Variants in ARSJ observed in about 807,000 individuals in gnomAD.
ARSJ encodes the protein arylsulfatase family member J, also known as arylsulfatase J.
In ARSJ, 26 loss-of-function variants were observed where a neutral mutation model predicts 35.9. The ratio of observed to expected loss-of-function variants is 0.72; its 90% CI spans 0.53 to 1.00. ARSJ has a LOEUF of 1.00. Ranked by LOEUF, ARSJ falls within the 50% of genes least tolerant of loss-of-function variation. ARSJ has a pLI of 0.00. For synonymous variants in ARSJ, 294 were observed against 267.6 expected (o/e 1.10, Z -0.96); for missense variants, 667 against 723.6 (o/e 0.92, Z 0.90).
chr4:113,922,562 A>G (rs1308723848), intron 1 of ARSJ, among the ~76,000 whole-genome samples: 1 of 152,156 alleles, frequency 6.6e-6, no homozygotes, highest in Non-Finnish European at 1.5e-5. Context: ...TATTTTCACT[A>G]CCTGGAAAAT....
rs1435747862 is a variant in ARSJ, at chr4:113,902,444, G to A, written c.1630C>T (p.Pro544Ser). The change falls in exon 2 of 2, where the codon CCT becomes TCT. Residue 544 changes from proline to serine, a missense_variant. Transcript: ENST00000315366. ...RYPPKDPRSN[P>S]RLNGGVWGPW... is the part of the protein sequence containing the mutation. ...CCCCAGACCCCTCCATTGAGCCTAG[G>A]GTTACTTCTGGGGTCTTTGGGGGGA... 6.2e-7 allele frequency: 1 copy of A among 1,613,822 alleles called. No homozygotes were observed. The highest frequency in any genetic ancestry group is 1.3e-5 in the African/African-American group (1 of 74,828).
intron 1 of ARSJ, among the ~76,000 whole-genome samples, chr4:113,964,947 G>T (rs934694568): frequency 2.0e-5 from 3 of 151,990 alleles, no homozygotes; most frequent in African/African-American, 7.2e-5. Context: ...AATAATATAT[G>T]TGGAAAAAAA....
At chr4:113,956,255 C>G (rs1360699505) in intron 1 of ARSJ, among the ~76,000 whole-genome samples, 1 of 151,874 alleles carries the variant, frequency 6.6e-6, no homozygotes. Flanking sequence ...GGATTTAAAC[C>G]CATAATAATA....
chr4:113,923,460 TAAGA>T (rs147487093), intron 1 of ARSJ, among the ~76,000 whole-genome samples: 4 of 152,224 alleles, frequency 2.6e-5, no homozygotes, highest in Non-Finnish European at 5.9e-5. Flanking sequence ...AGACAAAAAT[TAAGA>T]AAGAGGAAAA....
chr4:113,974,610 A>G (rs1373374371), intron 1 of ARSJ, among the ~76,000 whole-genome samples: 1 of 152,188 alleles, frequency 6.6e-6, no homozygotes, highest in East Asian at 1.9e-4. Flanking sequence ...GCAAATTTAA[A>G]CCATAATGAT....
intron 1 of ARSJ, among the ~76,000 whole-genome samples, chr4:113,911,134 T>C (rs1262324879): frequency 6.6e-6 from 1 of 152,082 alleles, no homozygotes; most frequent in East Asian, 1.9e-4. Context: ...GACAAAGTGT[T>C]TCAGTGAGAG....
In ARSJ at chr4:113,930,589, C is replaced by A. The variant is rs114969368; in HGVS notation, c.399-26914G>T. On this transcript the variant is annotated intron_variant, in intron 1 of 1. Transcript: ENST00000315366. ...GCTCTTAGTAAATTATTATAGCACCCAGTTTGAAAGTGAACATTTTTTTTA... is the reference window on the plus strand; with the variant it reads ...GCTCTTAGTAAATTATTATAGCACCAAGTTTGAAAGTGAACATTTTTTTTA... Among the ~76,000 whole-genome samples the A allele has an allele frequency of 3.4e-3, 514 of 152,198 alleles. 4 individuals carry two copies. Among genetic ancestry groups the A allele is most frequent in the African/African-American group, 0.012 (497 of 41,526 alleles).
chr4:113,907,763 A>T (rs2099669209), intron 1 of ARSJ, among the ~76,000 whole-genome samples: 1 of 152,224 alleles, frequency 6.6e-6, no homozygotes, highest in South Asian at 2.1e-4. Context: ...AGCCATAAAA[A>T]AGAACAAAAT....
At chr4:113,937,883 T>C (rs1394015786) in intron 1 of ARSJ, among the ~76,000 whole-genome samples, 7 of 151,920 alleles carry the variant, frequency 4.6e-5, no homozygotes, top group South Asian at 2.1e-4. Context: ...CTCAAGGAAA[T>C]TGGAGAGGAC....
intron 1 of ARSJ, among the ~76,000 whole-genome samples, chr4:113,911,613 A>G (rs2099670479): frequency 6.6e-6 from 1 of 152,140 alleles, no homozygotes; most frequent in African/African-American, 2.4e-5. Flanking sequence ...AATGTTAAAG[A>G]TGAGTCCAAA....
intron 1 of ARSJ, among the ~76,000 whole-genome samples, chr4:113,939,916 T>C (rs1380151157): frequency 1.3e-5 from 2 of 152,116 alleles, no homozygotes; most frequent in Non-Finnish European, 2.9e-5. Context: ...GCAGAAGCTC[T>C]TTAGTTTAAT....
chr4:113,902,043 T>G lies in ARSJ; in HGVS notation c.*231A>C. 7.5e-7 allele frequency: 1 copy of G among 1,338,742 alleles called. No individual in the cohort carries two copies. Among genetic ancestry groups the G allele is most frequent in the Non-Finnish European group, 1.0e-6 (1 of 994,766 alleles). The allele number at this position is 1,338,742 out of a possible 1,614,324, so 82.9% of individuals were successfully genotyped here. A position where few individuals can be genotyped will look rare whatever the true frequency, so the allele number is the denominator to read the frequency against. The stretch of plus-strand genomic sequence containing the variant: ...ACGTTTTCTAAAGGAGCAAGAGAAA[T>G]AAACATCTCCACTCTCTCTAAGTGT... On this transcript the variant is annotated 3_prime_UTR_variant, in exon 2 of 2. Coordinates refer to ENST00000315366, the MANE Select transcript of ARSJ (RefSeq NM_024590.4).
At chr4:113,919,224 G>C (rs567448755) in intron 1 of ARSJ, among the ~76,000 whole-genome samples, 47 of 152,238 alleles carry the variant, frequency 3.1e-4, no homozygotes, top group African/African-American at 1.0e-3. Context: ...GTGACCACGA[G>C]GCTGTGAAAT....
intron 1 of ARSJ, among the ~76,000 whole-genome samples, chr4:113,965,242 A>G (rs1726818457): frequency 6.6e-6 from 1 of 152,144 alleles, no homozygotes; most frequent in Admixed American, 6.6e-5. Context: ...CCAAAACTGT[A>G]TGGGAAACAA....
Position 113,902,119 on chromosome 4 carries a change from C to T in ARSJ, c.*155G>A, listed in dbSNP as rs546065508. ...CTGAGCAGGACAGTTTTCAGTGTGG[C>T]GGCCAGGTGGCAGAAGTCTCTGGAG... is the stretch of plus-strand genomic sequence containing the variant. On this transcript the variant is annotated 3_prime_UTR_variant, in exon 2 of 2. Transcript: ENST00000315366. 1.5e-5 allele frequency: 24 copies of T among 1,591,178 alleles called. No individual in the cohort carries two copies. The highest frequency in any genetic ancestry group is 3.4e-5 in the Admixed American group (2 of 58,964).
Position 113,901,721 on chromosome 4 carries a change from A to G in ARSJ, c.*553T>C, listed in dbSNP as rs2099667118. On this transcript the variant is annotated 3_prime_UTR_variant, in exon 2 of 2. Coordinates refer to ENST00000315366, the MANE Select transcript of ARSJ (RefSeq NM_024590.4). ...GGAAAAGAAACATATATATATATAT[A>G]AAATAGAATTAATTAAAAAACCCAA... 6.5e-6 allele frequency: 1 copy of G among 152,934 alleles called. No individual in the cohort carries two copies. The highest frequency in any genetic ancestry group is 1.5e-5 in the Non-Finnish European group (1 of 68,370). The allele number at this position is 152,934 out of a possible 1,614,324, so 9.5% of individuals were successfully genotyped here.
intron 1 of ARSJ, among the ~76,000 whole-genome samples, chr4:113,956,211 T>C (rs1726170669): frequency 6.6e-6 from 1 of 152,036 alleles, no homozygotes; most frequent in Non-Finnish European, 1.5e-5. Flanking sequence ...TAAAGCCTAC[T>C]TTATGAAACA....
intron 1 of ARSJ, chr4:113,943,111 T>C (rs1398665377): frequency 2.0e-5 from 3 of 152,066 alleles, no homozygotes; most frequent in African/African-American, 7.2e-5. Flanking sequence ...TGAAACTTGC[T>C]TAGACAACTT....
At chr4:113,931,790 G>A (rs534741346) in intron 1 of ARSJ, among the ~76,000 whole-genome samples, 14 of 152,040 alleles carry the variant, frequency 9.2e-5, no homozygotes, top group South Asian at 6.2e-4. Flanking sequence ...CACAAGAAAC[G>A]CTTGATCCAG....
Sources: gnomAD v4.1 joint callset for allele counts (sites outside exome capture counted in the v4.1 genomes callset) on GRCh38, gnomAD v4.1.1 for gene constraint, MANE v1.5 for transcripts, NCBI Gene and HGNC (gene_info 2026-07-23, HGNC 2026-07-21) for gene names.